Variants in PDSS2 observed in about 807,000 individuals in gnomAD.
The protein encoded by PDSS2 is all trans-polyprenyl-diphosphate synthase PDSS2.
A neutral mutation model predicts 44.5 loss-of-function variants in PDSS2; 31 were observed. The observed-to-expected ratio is 0.70, with a 90% CI of 0.52 to 0.94. PDSS2 has a LOEUF of 0.94. Among genes scored for constraint, PDSS2 ranks in the 40% least tolerant of loss-of-function variants. PDSS2 has a pLI of 0.00. For missense variants in PDSS2, 452 were observed against 482.2 expected (o/e 0.94, Z 0.59); for synonymous variants, 157 against 180.3 (o/e 0.87, Z 1.03).
intron 1 of PDSS2, among the ~76,000 whole-genome samples, chr6:107,397,170 G>A (rs1437035686): frequency 7.8e-6 from 1 of 128,222 alleles, no homozygotes; most frequent in African/African-American, 2.9e-5. Flanking sequence ...GGATCCCCAG[G>A]GGTCCTGAGA....
chr6:107,154,906 G>C, intron 7 of PDSS2, 129 bp from the exon 8 acceptor site: 1 of 839,958 alleles, frequency 1.2e-6, no homozygotes, highest in Non-Finnish European at 1.9e-6. Context: ...TTTCTGCTAC[G>C]TTATTTTCTG....
intron 1 of PDSS2, among the ~76,000 whole-genome samples, chr6:107,435,924 C>T (rs937710828): frequency 4.0e-5 from 6 of 148,874 alleles, no homozygotes; most frequent in Non-Finnish European, 3.0e-5. Flanking sequence ...TTTGTTGAAA[C>T]GAAGTTACAG....
rs57464830 is a variant in PDSS2, at chr6:107,395,195, T to A, written c.297-60863A>T. Among the ~76,000 whole-genome samples, 82 of 152,262 alleles carry A rather than the reference T, an allele frequency of 5.4e-4. 2 individuals are homozygous for A. In the East Asian group the frequency reaches 0.014, roughly 26 times the overall value. On this transcript the variant is annotated intron_variant, in intron 1 of 7. Transcript: ENST00000369037. ...ATTCCTCTTTAATAGGCCTATTTTT[T>A]AATCTACCTGAATTTAAGATTTTTC...
Position 107,154,543 on chromosome 6 carries a change from T to C in PDSS2, c.*76A>G, listed in dbSNP as rs1217761376. On this transcript the variant is annotated 3_prime_UTR_variant, in exon 8 of 8. Transcript: ENST00000369037. ...ATATGTTTTAAAAGTCATTAACGCA[T>C]CGTGAAAGCGCTCCCAATCAACCTC... is the stretch of plus-strand genomic sequence containing the variant. 7.5e-7 allele frequency: 1 copy of C among 1,330,858 alleles called. No homozygotes were observed. The highest frequency in any genetic ancestry group is 1.7e-5 in the Admixed American group (1 of 59,366). The allele number at this position is 1,330,858 out of a possible 1,614,324, so 82.4% of individuals were successfully genotyped here.
rs953226487 is a variant in PDSS2 at position 107,295,877 on chromosome 6, A to T, written c.432-21650T>A. ...AATGACAACAGGTACATAACAGATTATATATCTTTTTGGTAAATAGTCTGA... is the reference window on the plus strand; with the variant it reads ...AATGACAACAGGTACATAACAGATTTTATATCTTTTTGGTAAATAGTCTGA... On this transcript the variant is annotated intron_variant, in intron 2 of 7. Coordinates refer to ENST00000369037, the MANE Select transcript of PDSS2 (RefSeq NM_020381.4). Among the ~76,000 whole-genome samples, 7 of 152,286 alleles carry T rather than the reference A, an allele frequency of 4.6e-5. No individual in the cohort carries two copies. In the South Asian group the frequency reaches 1.2e-3, roughly 27 times the overall value.
intron 1 of PDSS2, among the ~76,000 whole-genome samples, chr6:107,385,944 G>T (rs567982149): frequency 9.9e-5 from 15 of 152,188 alleles, no homozygotes; most frequent in Admixed American, 2.6e-4. Flanking sequence ...AAAATCATAT[G>T]TAGGATGTAA....
Position 107,459,227 on chromosome 6 carries a change from G to T in PDSS2, c.59C>A (p.Pro20Gln), listed in dbSNP as rs758340947. ...GGACGGGGACCACCACAGGCGACGCGGGGAACCCGAGGCTCCAAGATAACG... is the reference window on the plus strand; with the variant it reads ...GGACGGGGACCACCACAGGCGACGCTGGGAACCCGAGGCTCCAAGATAACG... ...LPRYLGASGS[P>Q]RRLWWSPSLD... Residue 20 changes from proline to glutamine, a missense_variant, in exon 1 of 8, where the codon CCG becomes CAG. By Grantham distance (76) the Pro-to-Gln change is moderately conservative (BLOSUM62 -1). Transcript: ENST00000369037. The surrounding 1 kb of genome is among the most constrained non-coding windows in gnomAD (Gnocchi z 4.3). 3 of 1,614,124 alleles carry T rather than the reference G, an allele frequency of 1.9e-6. No individual in the cohort carries two copies. Among genetic ancestry groups the T allele is most frequent in the Non-Finnish European group, 2.5e-6 (3 of 1,180,004 alleles).
chr6:107,243,403 A>G (rs1219755853), intron 4 of PDSS2, among the ~76,000 whole-genome samples: 1 of 152,244 alleles, frequency 6.6e-6, no homozygotes, highest in East Asian at 1.9e-4. Context: ...AAAAATACTT[A>G]AAACATGGTC....
rs552808121 is a variant in PDSS2 at position 107,215,964 on chromosome 6, C to T, written c.703-3682G>A. Among the ~76,000 whole-genome samples the T allele has an allele frequency of 1.8e-4, 27 of 151,826 alleles. No individual in the cohort carries two copies. In the East Asian group the frequency reaches 2.7e-3, roughly 15 times the overall value. ...CCAGCCTGAGCAACATGGTGAAATC[C>T]CGTCTCTACCAAAAATACACAAATT... On this transcript the variant is annotated intron_variant, in intron 4 of 7. Transcript: ENST00000369037.
At chr6:107,365,138 C>A (rs1360660924) in intron 1 of PDSS2, among the ~76,000 whole-genome samples, 1 of 151,998 alleles carries the variant, frequency 6.6e-6, no homozygotes, top group Non-Finnish European at 1.5e-5. Context: ...TTTCTCATTT[C>A]TTCTCTTAAA....
chr6:107,446,730 T>G (rs1781694929), intron 1 of PDSS2, among the ~76,000 whole-genome samples: 1 of 152,056 alleles, frequency 6.6e-6, no homozygotes, highest in Non-Finnish European at 1.5e-5. Context: ...ATGCCAGATG[T>G]TTATAAAACC....
At chr6:107,305,252 A>G (rs533408081) in intron 2 of PDSS2, among the ~76,000 whole-genome samples, 1 of 152,178 alleles carries the variant, frequency 6.6e-6, no homozygotes, top group East Asian at 1.9e-4. Context: ...TGTTTGGATC[A>G]AGGACAACTC....
intron 1 of PDSS2, among the ~76,000 whole-genome samples, chr6:107,352,748 A>G (rs907988826): frequency 2.0e-5 from 3 of 152,168 alleles, no homozygotes; most frequent in Admixed American, 2.0e-4. Flanking sequence ...GGACTTTGGC[A>G]ATGTCAAAAG....
rs1770797984 is a variant in PDSS2 at position 107,154,052 on chromosome 6, G to A, written c.*567C>T. 1 of 154,174 alleles carries A rather than the reference G, an allele frequency of 6.5e-6. No individual in the cohort carries two copies. The highest frequency in any genetic ancestry group is 1.4e-5 in the Non-Finnish European group (1 of 69,842). The allele number at this position is 154,174 out of a possible 1,614,324, so 9.6% of individuals were successfully genotyped here. On this transcript the variant is annotated 3_prime_UTR_variant, in exon 8 of 8. Transcript: ENST00000369037. ...ACTGCACCATTGCACTCCAGCCTGG[G>A]CAACAAGAGCAAAACTACATCTAAA...
intron 2 of PDSS2, among the ~76,000 whole-genome samples, chr6:107,276,752 G>A (rs530325251): frequency 1.3e-5 from 2 of 152,272 alleles, no homozygotes; most frequent in South Asian, 2.1e-4. Context: ...ATGGGACATC[G>A]GCAAATGAGG....
chr6:107,191,395 G>A (rs9486555), intron 7 of PDSS2, among the ~76,000 whole-genome samples: 7,721 of 152,168 alleles, frequency 0.051, 598 homozygotes, highest in African/African-American at 0.17. Context: ...GAAAATGTAG[G>A]CTATAAAACT....
intron 2 of PDSS2, among the ~76,000 whole-genome samples, chr6:107,322,297 A>AAG (rs1777405291): frequency 6.6e-6 from 1 of 150,648 alleles, no homozygotes; most frequent in Non-Finnish European, 1.5e-5. Flanking sequence ...AGGCAGGTGG[A>AAG]TCACTTGAGG....
chr6:107,244,600 G>A (rs1462048918), intron 4 of PDSS2, among the ~76,000 whole-genome samples: 1 of 152,198 alleles, frequency 6.6e-6, no homozygotes, highest in Admixed American at 6.5e-5. Context: ...GATGTCCAAA[G>A]TGCAATTCTT....
At chr6:107,313,356 A>C (rs549909624) in intron 2 of PDSS2, among the ~76,000 whole-genome samples, 21 of 152,086 alleles carry the variant, frequency 1.4e-4, no homozygotes, top group African/African-American at 5.1e-4. Context: ...GTTTTACTTT[A>C]TTTATTTATT....
Sources: gnomAD v4.1 joint callset for allele counts (sites outside exome capture counted in the v4.1 genomes callset) on GRCh38, gnomAD v4.1.1 for gene constraint, Gnocchi (gnomAD v3.1) non-coding constraint, MANE v1.5 for transcripts, NCBI Gene and HGNC (gene_info 2026-07-23, HGNC 2026-07-21) for gene names.